Variants in ZFPM2 observed in about 807,000 individuals in gnomAD.
ZFPM2 encodes the protein zinc finger protein, FOG family member 2, also known as zinc finger protein ZFPM2.
ZFPM2 carries 20 observed loss-of-function variants against 98.6 expected under a neutral mutation model. The ratio of observed to expected loss-of-function variants is 0.20; its 90% CI spans 0.14 to 0.29. The LOEUF (loss-of-function observed/expected upper bound fraction) is 0.29. ZFPM2 is among the 10% of genes least tolerant of loss of function. The pLI, the probability that ZFPM2 is intolerant of heterozygous loss-of-function variation, is 1.00. For synonymous variants in ZFPM2, 518 were observed against 502.7 expected, an observed-to-expected ratio of 1.03 and a Z score of -0.41; for missense variants, 1,310 against 1,388.6, an observed-to-expected ratio of 0.94 and a Z score of 0.90.
At chr8:105,418,911 A>T in intron 1 of ZFPM2, 1 of 584,070 alleles carries the variant, frequency 1.7e-6, no homozygotes, top group Non-Finnish European at 3.1e-6. Flanking sequence ...ATGGAGATGC[A>T]GGTTGCTTTC....
At chr8:105,731,508 T>C (rs1004220926) in intron 5 of ZFPM2, among the ~76,000 whole-genome samples, 13 of 151,690 alleles carry the variant, frequency 8.6e-5, no homozygotes, top group Non-Finnish European at 1.8e-4. Flanking sequence ...TTAGGGCTCA[T>C]ATGTCCTTCT....
chr8:105,798,178 A>C (rs1346654720), intron 6 of ZFPM2: 2 of 152,306 alleles, frequency 1.3e-5, no homozygotes, highest in South Asian at 2.1e-4. Context: ...TAGGCCAGGC[A>C]GTGGCTTACA....
intron 3 of ZFPM2, among the ~76,000 whole-genome samples, chr8:105,456,794 T>G (rs964294473): frequency 6.6e-6 from 1 of 152,134 alleles, no homozygotes; most frequent in African/African-American, 2.4e-5. Flanking sequence ...TGCCTCAGCC[T>G]CCTGAATGGC....
chr8:105,751,523 A>T (rs1812475516), intron 5 of ZFPM2, among the ~76,000 whole-genome samples: 1 of 152,114 alleles, frequency 6.6e-6, no homozygotes, highest in Non-Finnish European at 1.5e-5. Context: ...AGCCTGTGGA[A>T]CACATACTGT....
intron 5 of ZFPM2, among the ~76,000 whole-genome samples, chr8:105,764,319 C>CACACACAT (rs1186105361): frequency 6.9e-6 from 1 of 145,804 alleles, no homozygotes; most frequent in South Asian, 2.2e-4. Flanking sequence ...CACACACACA[C>CACACACAT]ACACACATAT....
chr8:105,664,321 TTGTGTGTGTGTG>T (rs148523592), intron 5 of ZFPM2, among the ~76,000 whole-genome samples: 327 of 144,620 alleles, frequency 2.3e-3, no homozygotes, highest in African/African-American at 7.2e-3. Flanking sequence ...CATAAAATTC[TTGTGTGTGTGTG>T]TGTGTGTGTG....
intron 1 of ZFPM2, among the ~76,000 whole-genome samples, chr8:105,371,290 G>A (rs1810617651): frequency 6.6e-6 from 1 of 152,100 alleles, no homozygotes; most frequent in Non-Finnish European, 1.5e-5. Context: ...TGTCATGTTA[G>A]TCCAAAAGCT....
intron 3 of ZFPM2, among the ~76,000 whole-genome samples, chr8:105,544,576 G>A (rs964387959): frequency 5.9e-5 from 9 of 152,150 alleles, no homozygotes; most frequent in Non-Finnish European, 1.0e-4. Flanking sequence ...AACTGAAAAG[G>A]TTTTACTGTA....
chr8:105,707,035 G>A (rs1367049978), intron 5 of ZFPM2, among the ~76,000 whole-genome samples: 1 of 152,100 alleles, frequency 6.6e-6, no homozygotes, highest in East Asian at 1.9e-4. Flanking sequence ...GAGCTTGGGA[G>A]TTTGAGAACA....
chr8:105,667,820 A>T (rs1465855381), intron 5 of ZFPM2, among the ~76,000 whole-genome samples: 10 of 152,232 alleles, frequency 6.6e-5, no homozygotes, highest in Admixed American at 3.9e-4. Flanking sequence ...TTTTATTTGT[A>T]TTAAAATGCC....
chr8:105,485,344 C>T (rs1179366063), intron 3 of ZFPM2, among the ~76,000 whole-genome samples: 3 of 151,736 alleles, frequency 2.0e-5, no homozygotes, highest in African/African-American at 4.8e-5. Context: ...TAACAAAGTC[C>T]GATGTGTTTT....
rs1244164834 is a variant in ZFPM2, at chr8:105,389,072, A to G, written c.41-30072A>G. On this transcript the variant is annotated intron_variant, in intron 1 of 7. Coordinates refer to ENST00000407775, the MANE Select transcript of ZFPM2 (RefSeq NM_012082.4). Reference sequence around the variant, plus strand: ...TGTGTGTGTGTGTAGGCATGAGGGGAGAGACGAATAGATACTCTGACCCTT... The same window carrying G: ...TGTGTGTGTGTGTAGGCATGAGGGGGGAGACGAATAGATACTCTGACCCTT... Among the ~76,000 whole-genome samples the G allele has an allele frequency of 4.7e-5, 7 of 148,466 alleles. No individual in the cohort carries two copies. The East Asian group carries it at 1.2e-3, about 26-fold the overall frequency.
chr8:105,658,017 A>AC (rs1817317685), intron 5 of ZFPM2, among the ~76,000 whole-genome samples: 18 of 152,108 alleles, frequency 1.2e-4, no homozygotes, highest in Non-Finnish European at 4.4e-5. Flanking sequence ...TTCATTGTTG[A>AC]CCAGTGCTTC....
At chr8:105,604,378 A>G (rs1024682411) in intron 4 of ZFPM2, among the ~76,000 whole-genome samples, 13 of 151,922 alleles carry the variant, frequency 8.6e-5, no homozygotes, top group African/African-American at 1.9e-4. Flanking sequence ...ACTTGTTTCT[A>G]TTTATCCTTG....
intron 3 of ZFPM2, among the ~76,000 whole-genome samples, chr8:105,462,568 A>G (rs1426693388): frequency 3.3e-5 from 5 of 152,124 alleles, no homozygotes; most frequent in Admixed American, 2.6e-4. Context: ...AAATTACTTA[A>G]TATTTCTGCC....
chr8:105,637,103 G>T (rs1816861114), intron 5 of ZFPM2, among the ~76,000 whole-genome samples: 1 of 152,134 alleles, frequency 6.6e-6, no homozygotes, highest in South Asian at 2.1e-4. Context: ...ACAACTCAAT[G>T]AAATAGATAG....
chr8:105,773,661 A>G (rs1006173421), intron 5 of ZFPM2, among the ~76,000 whole-genome samples: 4 of 151,066 alleles, frequency 2.6e-5, no homozygotes, highest in Non-Finnish European at 5.9e-5. Flanking sequence ...GAAAAAAGAT[A>G]AATAAAATAA....
Position 105,375,123 on chromosome 8 carries a change from T to G in ZFPM2, c.41-44021T>G, listed in dbSNP as rs543798139. 2.6e-5 allele frequency among the ~76,000 whole-genome samples: 4 copies of G among 152,306 alleles called. No individual in the cohort carries two copies. The East Asian group carries it at 7.7e-4, about 29-fold the overall frequency. The stretch of plus-strand genomic sequence containing the variant: ...GATATTTGTCCAATGGACCTAAATT[T>G]TTTTTCCCAGTCCATGGCAGCCTGG... On this transcript the variant is annotated intron_variant, in intron 1 of 7. Coordinates refer to ENST00000407775, the MANE Select transcript of ZFPM2 (RefSeq NM_012082.4).
intron 1 of ZFPM2, among the ~76,000 whole-genome samples, chr8:105,413,002 G>A (rs117583905): frequency 0.017 from 2,574 of 151,964 alleles, 41 homozygotes; most frequent in Middle Eastern, 0.034. Flanking sequence ...CGTTCCTACT[G>A]CATAATTAAG....
Sources: gnomAD v4.1 joint callset for allele counts (sites outside exome capture counted in the v4.1 genomes callset) on GRCh38, gnomAD v4.1.1 for gene constraint, MANE v1.5 for transcripts, NCBI Gene and HGNC (gene_info 2026-07-23, HGNC 2026-07-21) for gene names.